BCAT1: variants seen among roughly 807,000 people sequenced by gnomAD.
BCAT1 encodes branched chain amino acid transaminase 1.
In BCAT1, 48 loss-of-function variants were observed where a neutral mutation model predicts 52.4. The ratio of observed to expected loss-of-function variants is 0.92; its 90% confidence interval spans 0.73 to 1.16. The LOEUF is 1.16. Ranked by LOEUF, BCAT1 falls within the 50% of genes most tolerant of loss-of-function variation. The pLI is 0.00. For missense variants in BCAT1, 451 were observed against 457.1 expected, an observed-to-expected ratio of 0.99 and a Z score of 0.12; for synonymous variants, 167 against 161.3, an observed-to-expected ratio of 1.04 and a Z score of -0.27.
Position 24,948,390 on chromosome 12 carries a change from C to T in BCAT1, c.6+537G>A, listed in dbSNP as rs532712066. 1.1e-3 allele frequency among the ~76,000 whole-genome samples: 165 copies of T among 152,354 alleles called. 1 individual carries two copies. Among genetic ancestry groups the T allele is most frequent in the Non-Finnish European group, 2.1e-3 (140 of 68,018 alleles). ...CCTTAGGCGTCTATCATTTGTAACT[C>T]CTAGAAGCTTTAATTTCCACAAGAA... On this transcript the variant is annotated intron_variant, in intron 1 of 10. Coordinates refer to ENST00000261192, the MANE Select transcript of BCAT1 (RefSeq NM_005504.7).
At position 24,917,926 on chromosome 12, in the gene BCAT1, AGT is replaced by A. The variant is rs1393331139; in HGVS notation, c.7-16043_7-16042del. ...CTTAACTCTTATCCAGGAAAATCAA[AGT>A]GAGCATTGTTCCAGTCTCTTACTCT... On this transcript the variant is annotated intron_variant, in intron 1 of 10. Coordinates refer to ENST00000261192, the MANE Select transcript of BCAT1 (RefSeq NM_005504.7). Among the ~76,000 whole-genome samples, 3 of 152,352 alleles carry A rather than the reference AGT, an allele frequency of 2.0e-5. No homozygotes were observed. The East Asian group carries it at 5.8e-4, about 29-fold the overall frequency.
rs570122056 is a variant in BCAT1 at position 24,863,527 on chromosome 12, A to C, written c.511-13578T>G. On this transcript the variant is annotated intron_variant, in intron 5 of 10. Coordinates refer to ENST00000261192, the MANE Select transcript of BCAT1 (RefSeq NM_005504.7). ...TTATTTGGGAAATACAGGTTGGCAA[A>C]TTTGGAATCAATCCTAAATATGGAT... Among the ~76,000 whole-genome samples, 3 of 152,352 alleles carry C rather than the reference A, an allele frequency of 2.0e-5. No individual in the cohort carries two copies. In the East Asian group the frequency reaches 5.8e-4, roughly 29 times the overall value.
intron 1 of BCAT1, among the ~76,000 whole-genome samples, chr12:24,919,243 T>C (rs1436145687): frequency 1.3e-5 from 2 of 152,240 alleles, no homozygotes; most frequent in African/African-American, 4.8e-5. Context: ...CTGAACTGCC[T>C]TTATCTGTCT....
intron 1 of BCAT1, among the ~76,000 whole-genome samples, chr12:24,917,494 T>C (rs1943436213): frequency 6.6e-6 from 1 of 152,222 alleles, no homozygotes; most frequent in African/African-American, 2.4e-5. Flanking sequence ...GTTTTGGATG[T>C]TTTTACCTAG....
intron 3 of BCAT1, among the ~76,000 whole-genome samples, chr12:24,885,782 G>A (rs186873664): frequency 8.5e-5 from 13 of 152,214 alleles, no homozygotes; most frequent in Non-Finnish European, 1.3e-4. Flanking sequence ...ATATCAGAGG[G>A]GAAAGTACCG....
chr12:24,879,526 C>T (rs1357679114), intron 4 of BCAT1, among the ~76,000 whole-genome samples: 1 of 152,172 alleles, frequency 6.6e-6, no homozygotes, highest in Non-Finnish European at 1.5e-5. Flanking sequence ...GAGTAAAGCT[C>T]ATGAAGTCAG....
intron 1 of BCAT1, among the ~76,000 whole-genome samples, chr12:24,944,095 C>T (rs1370221639): frequency 1.3e-5 from 2 of 152,146 alleles, no homozygotes; most frequent in African/African-American, 2.4e-5. Context: ...CTTCTATAAA[C>T]ACCAGCACTA....
At chr12:24,901,921 A>C (rs1384153288) in intron 1 of BCAT1, 36 bp from the exon 2 acceptor site, 4 of 1,613,398 alleles carry the variant, frequency 2.5e-6, no homozygotes, top group Non-Finnish European at 2.5e-6. Context: ...AAGTAAATGC[A>C]GGTGGGTAAG....
chr12:24,842,769 A>G (rs1941212691), intron 6 of BCAT1, among the ~76,000 whole-genome samples: 1 of 152,160 alleles, frequency 6.6e-6, no homozygotes, highest in South Asian at 2.1e-4. Context: ...GATAGGACAA[A>G]TGTTAAAAGT....
intron 2 of BCAT1, among the ~76,000 whole-genome samples, chr12:24,899,479 CA>C (rs142117063): frequency 6.7e-4 from 97 of 144,366 alleles, no homozygotes; most frequent in African/African-American, 2.3e-3. Context: ...TGAAGCTTTC[CA>C]AAAAAAAAAC....
intron 3 of BCAT1, among the ~76,000 whole-genome samples, chr12:24,891,344 A>AT (rs1234989635): frequency 6.6e-6 from 1 of 152,144 alleles, no homozygotes; most frequent in Non-Finnish European, 1.5e-5. Flanking sequence ...AAGCATTAGC[A>AT]TGCTAAGAGA....
intron 1 of BCAT1, among the ~76,000 whole-genome samples, chr12:24,914,872 A>G (rs1943384722): frequency 6.6e-6 from 1 of 152,228 alleles, no homozygotes; most frequent in Non-Finnish European, 1.5e-5. Context: ...CCCAGGAAGG[A>G]ATTCAGGATT....
chr12:24,830,016 C>T, intron 9 of BCAT1, 119 bp from the exon 10 acceptor site: 1 of 623,764 alleles, frequency 1.6e-6, no homozygotes, highest in Non-Finnish European at 2.6e-6. Flanking sequence ...AGGAATAGCA[C>T]TAAAACCTAC....
At chr12:24,922,807 C>G (rs1010361166) in intron 1 of BCAT1, among the ~76,000 whole-genome samples, 4 of 150,984 alleles carry the variant, frequency 2.6e-5, no homozygotes, top group African/African-American at 9.8e-5. Flanking sequence ...GAGGCAGAGG[C>G]TGCAGTGAGC....
chr12:24,912,226 A>G (rs1228503958), intron 1 of BCAT1, among the ~76,000 whole-genome samples: 1 of 152,186 alleles, frequency 6.6e-6, no homozygotes, highest in Non-Finnish European at 1.5e-5. Context: ...ATAAAAAATT[A>G]GAAGAGGGCT....
intron 10 of BCAT1, among the ~76,000 whole-genome samples, chr12:24,819,798 A>G (rs1320764850): frequency 1.3e-5 from 2 of 152,288 alleles, no homozygotes; most frequent in South Asian, 4.1e-4. Context: ...AGGAAGCCAA[A>G]TGACTGTAAG....
chr12:24,825,476 T>G (rs79612162), intron 10 of BCAT1, among the ~76,000 whole-genome samples: 81,036 of 151,218 alleles, frequency 0.54, 22,427 homozygotes, highest in East Asian at 0.83. Context: ...TTTTTTTTTT[T>G]TTTTAATACA....
At chr12:24,856,843 C>G (rs536161155) in intron 5 of BCAT1, among the ~76,000 whole-genome samples, 8 of 152,276 alleles carry the variant, frequency 5.3e-5, no homozygotes, top group African/African-American at 1.9e-4. Context: ...TTCTGCAGGT[C>G]CCTGAAACAA....
At chr12:24,860,182 C>T (rs938856393) in intron 5 of BCAT1, among the ~76,000 whole-genome samples, 1 of 152,080 alleles carries the variant, frequency 6.6e-6, no homozygotes, top group East Asian at 1.9e-4. Context: ...CTCTTAAATG[C>T]AGGTTTCTGA....
Sources: allele counts gnomAD v4.1 joint callset (sites outside exome capture counted in the v4.1 genomes callset), GRCh38; gene constraint gnomAD v4.1.1; transcripts MANE v1.5; gene names NCBI Gene and HGNC (gene_info 2026-07-23, HGNC 2026-07-21).